DCDC1: variants seen among roughly 807,000 people sequenced by gnomAD.
The protein encoded by DCDC1 is doublecortin domain containing 1, also known as doublecortin domain-containing protein 1.
A neutral mutation model predicts 178.3 loss-of-function variants in DCDC1; 200 were observed. That is an observed-to-expected ratio of 1.12 (90% CI 1.00 to 1.26). DCDC1 has a LOEUF of 1.26. DCDC1 is among the 50% of genes most tolerant of loss of function. The probability of loss-of-function intolerance (pLI) is 0.00; values close to 1 mark genes in which losing one functional copy is unlikely to be tolerated. For missense variants in DCDC1, 1,983 were observed against 1,749.2 expected, an observed-to-expected ratio of 1.13 and a Z score of -2.38; for synonymous variants, 690 against 604.8, an observed-to-expected ratio of 1.14 and a Z score of -2.07.
chr11:31,100,704 G>C (rs561132498), intron 15 of DCDC1, among the ~76,000 whole-genome samples: 20 of 152,294 alleles, frequency 1.3e-4, no homozygotes, highest in South Asian at 1.2e-3. Flanking sequence ...GGAGAAAATT[G>C]GAAAGGTAAG....
chr11:31,264,564 T>G (rs967397223), intron 8 of DCDC1, among the ~76,000 whole-genome samples: 1 of 152,188 alleles, frequency 6.6e-6, no homozygotes. Flanking sequence ...GCAAATTACC[T>G]AACTTCTCTG....
chr11:31,302,001 C>T (rs1948145113), intron 6 of DCDC1, among the ~76,000 whole-genome samples: 1 of 152,130 alleles, frequency 6.6e-6, no homozygotes, highest in Admixed American at 6.6e-5. Context: ...AGTTTCACTT[C>T]TGGTTAACAA....
chr11:31,262,269 G>GA (rs551280722), intron 8 of DCDC1, among the ~76,000 whole-genome samples: 61,893 of 140,884 alleles, frequency 0.44, 13,263 homozygotes, highest in East Asian at 0.66. Context: ...CTTGTCTCAG[G>GA]AAAAAAAAAA....
chr11:31,080,285 G>T (rs1368136516), intron 17 of DCDC1, among the ~76,000 whole-genome samples: 2 of 152,146 alleles, frequency 1.3e-5, no homozygotes, highest in African/African-American at 4.8e-5. Context: ...TGAATAAAAT[G>T]AGATGCAGAG....
rs1555184027 is a variant in DCDC1, at chr11:31,341,424, T to TAGATAGATAGATAGAC, written c.-124-5876_-124-5861dup. 8.0e-3 allele frequency among the ~76,000 whole-genome samples: 1,197 copies of TAGATAGATAGATAGAC among 150,414 alleles called. 19 individuals are homozygous for TAGATAGATAGATAGAC. The highest frequency in any genetic ancestry group is 0.023 in the African/African-American group (953 of 40,738). On this transcript the variant is annotated intron_variant, in intron 1 of 38. Transcript: ENST00000684477. The stretch of plus-strand genomic sequence containing the variant: ...ATAGATAGATAGATAGATAGATAGA[T>TAGATAGATAGATAGAC]AGATAGATAGATAGACATGTGTTGC...
intron 3 of DCDC1, among the ~76,000 whole-genome samples, chr11:31,321,627 C>T (rs919806228): frequency 6.0e-5 from 9 of 150,946 alleles, no homozygotes; most frequent in African/African-American, 1.5e-4. Context: ...GCGTCGCTCA[C>T]GCTGGGAGCT....
At chr11:31,208,429 T>C (rs960172250) in intron 9 of DCDC1, among the ~76,000 whole-genome samples, 3 of 152,188 alleles carry the variant, frequency 2.0e-5, no homozygotes, top group Non-Finnish European at 4.4e-5. Context: ...TAATTTTCAC[T>C]ATAGAGTTCA....
chr11:31,157,031 T>C (rs934108946), intron 9 of DCDC1, among the ~76,000 whole-genome samples: 2 of 152,040 alleles, frequency 1.3e-5, no homozygotes. Flanking sequence ...TAAAAATAAG[T>C]TTACCCACTT....
chr11:30,983,170 C>T (rs757683935), intron 20 of DCDC1, among the ~76,000 whole-genome samples: 2 of 152,088 alleles, frequency 1.3e-5, no homozygotes, highest in African/African-American at 2.4e-5. Flanking sequence ...AAAAAAAAGG[C>T]TTTGCTTTGA....
At chr11:31,108,773 T>C (rs937457462) in intron 12 of DCDC1, among the ~76,000 whole-genome samples, 47 of 152,232 alleles carry the variant, frequency 3.1e-4, no homozygotes, top group African/African-American at 1.1e-3. Context: ...AGGGCCTCTG[T>C]GCCCTTCATC....
At chr11:31,240,039 A>C (rs528573953) in intron 9 of DCDC1, among the ~76,000 whole-genome samples, 12 of 152,048 alleles carry the variant, frequency 7.9e-5, no homozygotes, top group African/African-American at 2.9e-4. Context: ...GATTTTATTT[A>C]AACAGTGCTT....
intron 38 of DCDC1, among the ~76,000 whole-genome samples, chr11:30,875,870 C>A (rs1050676991): frequency 6.6e-6 from 1 of 152,156 alleles, no homozygotes. Flanking sequence ...ACAAAGCTGA[C>A]ATAAGCATCC....
At chr11:31,125,161 A>C (rs1266838695) in intron 11 of DCDC1, among the ~76,000 whole-genome samples, 1 of 152,184 alleles carries the variant, frequency 6.6e-6, no homozygotes, top group Non-Finnish European at 1.5e-5. Context: ...TGTGGCCAAT[A>C]AACATATGAA....
chr11:31,308,391 A>G (rs2616809), intron 3 of DCDC1, among the ~76,000 whole-genome samples: 61,389 of 152,106 alleles, frequency 0.4, 12,788 homozygotes, highest in African/African-American at 0.47. Flanking sequence ...CCCAATAGAG[A>G]ATATATGTTA....
intron 13 of DCDC1, among the ~76,000 whole-genome samples, chr11:31,104,191 C>T (rs1239298871): frequency 1.3e-5 from 2 of 152,154 alleles, no homozygotes; most frequent in South Asian, 2.1e-4. Flanking sequence ...AAATGCCATG[C>T]TGATTTGATT....
chr11:31,093,667 T>C (rs1015198393), intron 16 of DCDC1, among the ~76,000 whole-genome samples: 3 of 152,206 alleles, frequency 2.0e-5, no homozygotes, highest in Admixed American at 6.5e-5. Flanking sequence ...GCAAAGTTGG[T>C]ATATGTTGGT....
At position 31,106,765 on chromosome 11, in the gene DCDC1, T is replaced by C. The variant is rs529495699; in HGVS notation, c.1751+32A>G. The C allele has an allele frequency of 1.0e-4, 77 of 762,438 alleles. 1 individual carries two copies. The highest frequency in any genetic ancestry group is 9.2e-4 in the South Asian group (68 of 73,894). 47.2% of individuals were successfully genotyped at this position (762,438 alleles called of 1,614,324 possible). On this transcript the variant is annotated intron_variant, in intron 13 of 38. Coordinates refer to ENST00000684477, the MANE Select transcript of DCDC1 (RefSeq NM_001387274.1). ...TCAAATTAGCTCTCCCCTGGAAAGATTGAGGACAGAAAACAAACCCCTTGC... is the reference window on the plus strand; with the variant it reads ...TCAAATTAGCTCTCCCCTGGAAAGACTGAGGACAGAAAACAAACCCCTTGC...
At chr11:31,142,758 G>C (rs1963983042) in intron 9 of DCDC1, among the ~76,000 whole-genome samples, 1 of 151,964 alleles carries the variant, frequency 6.6e-6, no homozygotes, top group Non-Finnish European at 1.5e-5. Flanking sequence ...TATTAATTCA[G>C]AATCAGACTA....
intron 20 of DCDC1, among the ~76,000 whole-genome samples, chr11:31,042,045 T>A (rs1255468610): frequency 6.6e-6 from 1 of 152,210 alleles, no homozygotes; most frequent in African/African-American, 2.4e-5. Flanking sequence ...GCAACTACCT[T>A]CTTGTCTTTC....
Sources: allele counts gnomAD v4.1 joint callset (sites outside exome capture counted in the v4.1 genomes callset), GRCh38; gene constraint gnomAD v4.1.1; transcripts MANE v1.5; gene names NCBI Gene and HGNC (gene_info 2026-07-23, HGNC 2026-07-21).